ANKRD13C: variants seen among roughly 807,000 people sequenced by gnomAD.
The protein encoded by ANKRD13C is ankyrin repeat domain 13C.
ANKRD13C carries 16 observed loss-of-function variants against 65.5 expected under a neutral mutation model. That is an observed-to-expected ratio of 0.24 (90% confidence interval 0.17 to 0.37). The LOEUF (loss-of-function observed/expected upper bound fraction) is 0.37. Ranked by LOEUF, ANKRD13C falls within the 10% of genes least tolerant of loss-of-function variation. The pLI is 1.00. For missense variants in ANKRD13C, 503 were observed against 655.9 expected, an observed-to-expected ratio of 0.77 and a Z score of 2.55; for synonymous variants, 235 against 238.7, an observed-to-expected ratio of 0.98 and a Z score of 0.14.
chr1:70,309,732 A>AAAAAAT (rs1553248051), intron 5 of ANKRD13C, among the ~76,000 whole-genome samples: 3 of 107,096 alleles, frequency 2.8e-5, no homozygotes, highest in East Asian at 2.8e-4. Flanking sequence ...AAAAAAAAAA[A>AAAAAAT]AATAATAATA....
intron 9 of ANKRD13C, among the ~76,000 whole-genome samples, chr1:70,286,431 G>T (rs572388650): frequency 6.6e-6 from 1 of 152,068 alleles, no homozygotes; most frequent in East Asian, 1.9e-4. Context: ...ATTATTAAAT[G>T]ACTTAAGTCA....
At chr1:70,309,715 CAAAAAAAAA>C (rs1165416550) in intron 5 of ANKRD13C, among the ~76,000 whole-genome samples, 1 of 138,866 alleles carries the variant, frequency 7.2e-6, no homozygotes, top group African/African-American at 2.6e-5. Context: ...GACTCCGTCG[CAAAAAAAAA>C]AAAAAAAAAA....
chr1:70,347,515 C>CT (rs951382150), intron 1 of ANKRD13C, among the ~76,000 whole-genome samples: 9 of 152,118 alleles, frequency 5.9e-5, no homozygotes, highest in African/African-American at 2.2e-4. Flanking sequence ...TTTCTGCTAC[C>CT]TTTTTTGCCA....
chr1:70,350,987 C>G (rs543078299), intron 1 of ANKRD13C, among the ~76,000 whole-genome samples: 1 of 152,128 alleles, frequency 6.6e-6, no homozygotes, highest in Non-Finnish European at 1.5e-5. Flanking sequence ...ACGGTGAAAC[C>G]CAGTCTCTAC....
chr1:70,280,880 A>G (rs1204162902), intron 9 of ANKRD13C, among the ~76,000 whole-genome samples: 4 of 152,274 alleles, frequency 2.6e-5, no homozygotes, highest in African/African-American at 9.6e-5. Flanking sequence ...ATGAGAAATG[A>G]TAAGGGCATG....
intron 5 of ANKRD13C, among the ~76,000 whole-genome samples, chr1:70,309,618 C>T (rs1214479029): frequency 1.3e-5 from 2 of 148,274 alleles, no homozygotes; most frequent in African/African-American, 4.9e-5. Context: ...CCCAGCTACT[C>T]GGAAGGCTGA....
At chr1:70,277,347 A>T (rs1376383146) in intron 9 of ANKRD13C, among the ~76,000 whole-genome samples, 2 of 151,824 alleles carry the variant, frequency 1.3e-5, no homozygotes, top group African/African-American at 4.8e-5. Context: ...AATCCCAGCT[A>T]CTCAGGAGGC....
At chr1:70,315,103 C>T (rs1008104206) in intron 4 of ANKRD13C, among the ~76,000 whole-genome samples, 1 of 152,002 alleles carries the variant, frequency 6.6e-6, no homozygotes, top group African/African-American at 2.4e-5. Flanking sequence ...AGCTGGGCGA[C>T]AGAGTGAGGC....
At chr1:70,353,923 A>AGG (rs962793451) in intron 1 of ANKRD13C, 56 bp downstream of exon 1, 1 of 1,451,338 alleles carries the variant, frequency 6.9e-7, no homozygotes, top group Admixed American at 2.8e-5. Context: ...AAGCCTGGGG[A>AGG]GGCACACCCT....
chr1:70,313,485 G>A (rs1454942889), intron 5 of ANKRD13C, among the ~76,000 whole-genome samples: 3 of 148,384 alleles, frequency 2.0e-5, no homozygotes, highest in Admixed American at 6.8e-5. Flanking sequence ...AGCTATGATC[G>A]TACCACTGCA....
At chr1:70,320,356 T>A (rs1337851663) in intron 3 of ANKRD13C, among the ~76,000 whole-genome samples, 1 of 151,234 alleles carries the variant, frequency 6.6e-6, no homozygotes, top group Admixed American at 6.6e-5. Context: ...TGAGACAGGG[T>A]CTCACTTTGT....
intron 1 of ANKRD13C, among the ~76,000 whole-genome samples, chr1:70,337,553 C>A (rs1682095198): frequency 6.6e-6 from 1 of 151,854 alleles, no homozygotes; most frequent in South Asian, 2.1e-4. Flanking sequence ...TGCACTGCAG[C>A]CTGGGCGACA....
intron 9 of ANKRD13C, among the ~76,000 whole-genome samples, chr1:70,287,689 T>C (rs964573848): frequency 1.3e-5 from 2 of 151,960 alleles, no homozygotes; most frequent in African/African-American, 4.8e-5. Flanking sequence ...ACCTATCTGA[T>C]GAAGAATTAA....
chr1:70,298,994 C>G (rs1036563470), intron 7 of ANKRD13C, among the ~76,000 whole-genome samples: 1 of 151,574 alleles, frequency 6.6e-6, no homozygotes, highest in Non-Finnish European at 1.5e-5. Context: ...AAAAAGAACC[C>G]CACGCCCTTG....
intron 9 of ANKRD13C, among the ~76,000 whole-genome samples, chr1:70,283,441 AT>A (rs1181176885): frequency 1.3e-5 from 2 of 152,106 alleles, no homozygotes; most frequent in African/African-American, 2.4e-5. Flanking sequence ...TTATTCTAAT[AT>A]TTTATATGGC....
At position 70,260,696 on chromosome 1, in the gene ANKRD13C, C is replaced by T. The variant is rs1678359498; in HGVS notation, c.*2021G>A. The T allele has an allele frequency of 6.6e-6, 1 of 152,002 alleles. No individual in the cohort carries two copies. Among genetic ancestry groups the T allele is most frequent in the African/African-American group, 2.4e-5 (1 of 41,388 alleles). 9.4% of individuals were successfully genotyped at this position (152,002 alleles called of 1,614,324 possible). ...TTGCTCTTTGTGATCAGAGAAAAGACATTTTGGAATGGATAATCTGTTTCT... is the reference window on the plus strand; with the variant it reads ...TTGCTCTTTGTGATCAGAGAAAAGATATTTTGGAATGGATAATCTGTTTCT... On this transcript the variant is annotated 3_prime_UTR_variant, in exon 13 of 13. Transcript: ENST00000370944.
At chr1:70,276,337 G>C (rs1463104353) in intron 10 of ANKRD13C, among the ~76,000 whole-genome samples, 1 of 152,144 alleles carries the variant, frequency 6.6e-6, no homozygotes, top group African/African-American at 2.4e-5. Flanking sequence ...ATAATGACAG[G>C]TGAGGAGCTT....
At chr1:70,349,309 T>C (rs555950664) in intron 1 of ANKRD13C, among the ~76,000 whole-genome samples, 1 of 152,242 alleles carries the variant, frequency 6.6e-6, no homozygotes, top group East Asian at 1.9e-4. Context: ...AAGATAGAGT[T>C]CCATAATTTT....
chr1:70,259,652 G>A lies in ANKRD13C; in HGVS notation c.*3065C>T, dbSNP rs1678329460. 6.6e-6 allele frequency among the ~76,000 whole-genome samples: 1 copy of A among 152,166 alleles called. No individual in the cohort carries two copies. Among genetic ancestry groups the A allele is most frequent in the East Asian group, 1.9e-4 (1 of 5,202 alleles). On this transcript the variant is annotated 3_prime_UTR_variant, in exon 13 of 13. Transcript: ENST00000370944. The stretch of plus-strand genomic sequence containing the variant: ...TAATTTATAGTATACAAACAATCAT[G>A]GGCTTTTACCAAGCTTAGTTCTGCT...
Sources: gnomAD v4.1 joint callset for allele counts (sites outside exome capture counted in the v4.1 genomes callset) on GRCh38, gnomAD v4.1.1 for gene constraint, MANE v1.5 for transcripts, NCBI Gene and HGNC (gene_info 2026-07-23, HGNC 2026-07-21) for gene names.